The following PHYHD1 variants were observed in gnomAD, a reference collection of about 807,000 sequenced individuals.
PHYHD1 encodes the protein phytanoyl-CoA dioxygenase domain-containing protein 1.
Under a neutral mutation model 43.6 loss-of-function variants are expected in PHYHD1, and 42 were observed. The observed-to-expected ratio is 0.96, with a 90% confidence interval of 0.75 to 1.25. The LOEUF (loss-of-function observed/expected upper bound fraction) is 1.25, where lower values mean the gene tolerates loss of function less well. Among genes scored for constraint, PHYHD1 ranks in the 50% most tolerant of loss-of-function variants. The pLI, the probability that PHYHD1 is intolerant of heterozygous loss-of-function variation, is 0.00. For synonymous variants in PHYHD1, 139 were observed against 143.6 expected, an observed-to-expected ratio of 0.97 and a Z score of 0.23; for missense variants, 342 against 370.8, an observed-to-expected ratio of 0.92 and a Z score of 0.64.
At chr9:128,927,248 G>T (rs1841160636) in intron 4 of PHYHD1, 52 bp downstream of exon 4, 6 of 1,604,552 alleles carry the variant, frequency 3.7e-6, no homozygotes, top group Non-Finnish European at 5.1e-6. Flanking sequence ...GGGAGGGCTT[G>T]GTCCCCGGCC....
chr9:128,941,393 G>A (rs545619065), intron 11 of PHYHD1, 52 bp from the exon 12 acceptor site: 1 of 1,602,024 alleles, frequency 6.2e-7, no homozygotes, highest in Admixed American at 1.7e-5. Context: ...CCTGCTCTGG[G>A]GAGGGGGGAT....
In PHYHD1 at chr9:128,941,715, G is replaced by A. The variant is rs539219613; in HGVS notation, c.*2G>A. On this transcript the variant is annotated 3_prime_UTR_variant, in exon 13 of 13. Coordinates refer to ENST00000372592, the MANE Select transcript of PHYHD1 (RefSeq NM_001100876.2). ...CCCTTTCCCCAACTGTACACCTAAA[G>A]GCTCTCGCAGGGCAGGAGCCCTCGC... is the stretch of plus-strand genomic sequence containing the variant. 2.1e-4 allele frequency: 336 copies of A among 1,614,186 alleles called. 2 individuals carry two copies. The South Asian group carries it at 3.5e-3, about 17-fold the overall frequency.
intron 2 of PHYHD1, 39 bp from the exon 3 acceptor site, chr9:128,922,243 TA>T (rs1841015158): frequency 6.5e-7 from 1 of 1,527,636 alleles, no homozygotes; most frequent in East Asian, 2.5e-5. Context: ...AGGGAAGGGT[TA>T]AGTCCTCCCA....
intron 4 of PHYHD1, among the ~76,000 whole-genome samples, chr9:128,932,178 ATTATTAT>A (rs1425630041): frequency 1.0e-4 from 11 of 107,894 alleles, no homozygotes; most frequent in African/African-American, 4.5e-4. Context: ...TGTTATTATT[ATTATTAT>A]TTTTTTTTTT....
Position 128,941,587 on chromosome 9 carries a change from G to T in PHYHD1, c.830+16G>T, listed in dbSNP as rs570512509. ...CGGAGAACTGGTAGGTGACAGGGTG[G>T]GTGTGTGTGCCCGACAGTCCCCTGG... is the stretch of plus-strand genomic sequence containing the variant. On this transcript the variant is annotated intron_variant, in intron 12 of 12. Coordinates refer to ENST00000372592, the MANE Select transcript of PHYHD1 (RefSeq NM_001100876.2). The T allele has an allele frequency of 5.0e-6, 8 of 1,614,122 alleles. No homozygotes were observed. The highest frequency in any genetic ancestry group is 2.2e-5 in the East Asian group (1 of 44,882).
intron 9 of PHYHD1, chr9:128,938,078 G>A (rs951299970): frequency 1.4e-5 from 11 of 793,360 alleles, no homozygotes; most frequent in African/African-American, 5.3e-5. Flanking sequence ...AGGCAGAGGC[G>A]AGCGGATCAC....
rs144414931 is a variant in PHYHD1 at position 128,933,730 on chromosome 9, C to T, written c.193-52C>T. 33 of 1,578,452 alleles carry T rather than the reference C, an allele frequency of 2.1e-5. No homozygotes were observed. The East Asian group carries it at 7.2e-4, about 34-fold the overall frequency. On this transcript the variant is annotated intron_variant, in intron 4 of 12. Coordinates refer to ENST00000372592, the MANE Select transcript of PHYHD1 (RefSeq NM_001100876.2). ...AATCCGCCTCCCTCTTTGCCAGGCC[C>T]AGCTCTGACCCCAGGATGCTGTCTC...
rs781095914 is a variant in PHYHD1, at chr9:128,934,024, C to A, written c.282C>A (p.Val94=). 3.1e-6 allele frequency: 5 copies of A among 1,613,692 alleles called. No individual in the cohort carries two copies. In the African/African-American group the frequency reaches 6.7e-5, roughly 22 times the overall value. The change falls in exon 6 of 13, where the codon GTC becomes GTA. Residue 94 remains valine (V), a synonymous_variant. Transcript: ENST00000372592. ...TTTGTGCCACAGGAAATTTCCTGGT[C>A]CCTCCGGAGAAATCCATCAACAAAA... ...GVFDEKGNFL[V]PPEKSINKIG...
chr9:128,934,106 G>A, intron 6 of PHYHD1, 48 bp downstream of exon 6: 1 of 1,576,816 alleles, frequency 6.3e-7, no homozygotes, highest in East Asian at 2.2e-5. Context: ...GGAACAGGCT[G>A]GGAGTGGTGG....
chr9:128,933,922 T>C, intron 5 of PHYHD1, 65 bp downstream of exon 5: 1 of 1,605,072 alleles, frequency 6.2e-7, no homozygotes, highest in Non-Finnish European at 8.5e-7. Flanking sequence ...CCTGGGAATC[T>C]GCCCCCTGGG....
At position 128,927,083 on chromosome 9, in the gene PHYHD1, G is replaced by T. The variant is rs1841155501; in HGVS notation, c.79G>T (p.Glu27Ter). ...FLVLEGFLSA[E>*]ECVAMQQRIG... ...GGTGCTGGAAGGATTCTTGTCTGCG[G>T]AAGAGTGTGTGGCCATGCAACAAAG... The change falls in exon 4 of 13, where the codon GAA (glutamate) becomes TAA (stop). Residue 27 changes from glutamate (E) to a stop codon, truncating the protein, a stop_gained. Transcript: ENST00000372592. LOFTEE classifies it high-confidence loss of function. The T allele has an allele frequency of 1.2e-6, 2 of 1,614,210 alleles. No homozygotes were observed. The highest frequency in any genetic ancestry group is 2.7e-5 in the African/African-American group (2 of 75,064).
At chr9:128,922,386 G>T (rs752573968) in intron 3 of PHYHD1, 30 bp downstream of exon 3, 34 of 1,546,744 alleles carry the variant, frequency 2.2e-5, no homozygotes, top group Non-Finnish European at 2.8e-5. Flanking sequence ...GGCCGGGAGG[G>T]TCATGGCGGG....
chr9:128,931,548 G>A (rs1243046673), intron 4 of PHYHD1, among the ~76,000 whole-genome samples: 2 of 150,726 alleles, frequency 1.3e-5, no homozygotes, highest in East Asian at 2.0e-4. Context: ...TTTTTGAGAC[G>A]GAGTCTCGCT....
At chr9:128,927,589 T>TG (rs1272623910) in intron 4 of PHYHD1, among the ~76,000 whole-genome samples, 34 of 152,298 alleles carry the variant, frequency 2.2e-4, no homozygotes, top group African/African-American at 6.0e-4. Context: ...TTGGTCAGGC[T>TG]GGTCTTGAAC....
At chr9:128,936,875 G>A (rs1310373424) in intron 8 of PHYHD1, among the ~76,000 whole-genome samples, 1 of 152,146 alleles carries the variant, frequency 6.6e-6, no homozygotes, top group Non-Finnish European at 1.5e-5. Flanking sequence ...AGCACTTTGG[G>A]AGGCTGAAGC....
At chr9:128,930,488 G>A (rs1841242859) in intron 4 of PHYHD1, among the ~76,000 whole-genome samples, 1 of 151,262 alleles carries the variant, frequency 6.6e-6, no homozygotes, top group African/African-American at 2.4e-5. Context: ...GCTCATGCCT[G>A]TAATCCCAGC....
chr9:128,939,395 A>G (rs192185797), intron 9 of PHYHD1, among the ~76,000 whole-genome samples: 2 of 125,438 alleles, frequency 1.6e-5, no homozygotes, highest in East Asian at 4.4e-4. Context: ...CCTGGCTAAC[A>G]TGGTGAAACC....
At chr9:128,936,885 C>T (rs574023541) in intron 8 of PHYHD1, among the ~76,000 whole-genome samples, 5 of 151,968 alleles carry the variant, frequency 3.3e-5, no homozygotes, top group African/African-American at 4.8e-5. Flanking sequence ...GAGGCTGAAG[C>T]GGGCAGATCA....
chr9:128,923,875 T>A (rs1841065855), intron 3 of PHYHD1, among the ~76,000 whole-genome samples: 1 of 152,148 alleles, frequency 6.6e-6, no homozygotes, highest in Non-Finnish European at 1.5e-5. Flanking sequence ...CCCAGCACTT[T>A]GGGAGGCCAA....
Sources: allele counts gnomAD v4.1 joint callset (sites outside exome capture counted in the v4.1 genomes callset), GRCh38; gene constraint gnomAD v4.1.1; transcripts MANE v1.5; gene names NCBI Gene and HGNC (gene_info 2026-07-23, HGNC 2026-07-21).